HOXC5: variants seen among roughly 807,000 people sequenced by gnomAD.
The protein encoded by HOXC5 is homeobox C5, also known as homeobox protein Hox-C5.
HOXC5 carries 19 observed loss-of-function variants against 20.1 expected under a neutral mutation model. The observed-to-expected ratio is 0.94, with a 90% CI of 0.66 to 1.38. HOXC5 has a LOEUF of 1.38. Among genes scored for constraint, HOXC5 ranks in the 40% most tolerant of loss-of-function variants. The pLI, the probability that HOXC5 is intolerant of heterozygous loss-of-function variation, is 0.00. For synonymous variants in HOXC5, 124 were observed against 117.0 expected (o/e 1.06, Z -0.39); for missense variants, 330 against 300.1 (o/e 1.10, Z -0.74).
At position 54,034,724 on chromosome 12, in the gene HOXC5, AC is replaced by A. The variant is rs1232480020; in HGVS notation, c.*235del. On this transcript the variant is annotated 3_prime_UTR_variant, in exon 2 of 2. Transcript: ENST00000312492. ...TCCCCTCAGCTCGGCTCAGCTCGGT[AC>A]CCGGGGCCCAGGGCAAGCTCCGCAG... The A allele has an allele frequency of 2.1e-5, 11 of 529,308 alleles. No individual in the cohort carries two copies. The highest frequency in any genetic ancestry group is 3.4e-6 in the Non-Finnish European group (1 of 293,218). The allele number at this position is 529,308 out of a possible 1,614,324, so 32.8% of individuals were successfully genotyped here.
At position 54,034,605 on chromosome 12, in the gene HOXC5, G is replaced by C; in HGVS notation, c.*113G>C. On this transcript the variant is annotated 3_prime_UTR_variant, in exon 2 of 2. Coordinates refer to ENST00000312492, the MANE Select transcript of HOXC5 (RefSeq NM_018953.4). ...GTCGGGGGCAGGTGCTGGAGCACTG[G>C]GCTCCCGGGCCCCACAGACAAAAGC... 1 of 839,606 alleles carries C rather than the reference G, an allele frequency of 1.2e-6. No individual in the cohort carries two copies. Among genetic ancestry groups the C allele is most frequent in the South Asian group, 1.7e-5 (1 of 57,780 alleles). The allele number at this position is 839,606 out of a possible 1,614,324, so 52.0% of individuals were successfully genotyped here. A position where few individuals can be genotyped will look rare whatever the true frequency, so the allele number is the denominator to read the frequency against.
upstream of HOXC5, chr12:54,028,454 C>A (rs1592231312): frequency 1.3e-6 from 2 of 1,524,314 alleles, no homozygotes; most frequent in Non-Finnish European, 1.8e-6. Flanking sequence ...CCATCTAGTT[C>A]CGAGTACAAA....
At chr12:54,026,973 G>T in the HOXC5 span, among the ~76,000 whole-genome samples, 1 of 140,810 alleles carries the variant, frequency 7.1e-6, no homozygotes, top group South Asian at 2.2e-4. Flanking sequence ...GTGGGGGGGG[G>T]GGGATATGAG....
chr12:54,029,225 TGAG>T (rs1267556650), upstream of HOXC5, among the ~76,000 whole-genome samples: 2 of 151,530 alleles, frequency 1.3e-5, no homozygotes, highest in Non-Finnish European at 1.5e-5. Context: ...GGAGTCAGTC[TGAG>T]GAGAAGGGAG....
At chr12:54,029,525 G>A (rs1204213192), upstream of HOXC5, 1 of 930,250 alleles carries the variant, frequency 1.1e-6, no homozygotes, top group East Asian at 2.5e-5. Context: ...GCAAAAGGGA[G>A]AAGGCTAGAG....
chr12:54,017,612 G>A, the HOXC5 span, among the ~76,000 whole-genome samples: 1 of 152,068 alleles, frequency 6.6e-6, no homozygotes, highest in Non-Finnish European at 1.5e-5. Context: ...GTAGTGGGGC[G>A]ATTGTGTTGT....
Position 54,035,100 on chromosome 12 carries a change from C to G in HOXC5, c.*608C>G, listed in dbSNP as rs559909411. On this transcript the variant is annotated 3_prime_UTR_variant, in exon 2 of 2. Coordinates refer to ENST00000312492, the MANE Select transcript of HOXC5 (RefSeq NM_018953.4). ...CCTTATCTCCACAACCTCTTCCCCCCAAAACCCGGGAACCTCCCCAGCCTG... is the reference window on the plus strand; with the variant it reads ...CCTTATCTCCACAACCTCTTCCCCCGAAAACCCGGGAACCTCCCCAGCCTG... The G allele has an allele frequency of 6.5e-6, 1 of 154,166 alleles. No homozygotes were observed. Among genetic ancestry groups the G allele is most frequent in the African/African-American group, 2.4e-5 (1 of 41,456 alleles). The allele number at this position is 154,166 out of a possible 1,614,324, so 9.5% of individuals were successfully genotyped here.
chr12:54,026,250 C>T, the HOXC5 span, among the ~76,000 whole-genome samples: 1 of 152,102 alleles, frequency 6.6e-6, no homozygotes, highest in Non-Finnish European at 1.5e-5. Flanking sequence ...GACTTGTTCC[C>T]TAGCTCAGTC....
chr12:54,034,337 A>T lies in HOXC5; in HGVS notation c.514A>T (p.Lys172Ter), dbSNP rs376926310. The T allele has an allele frequency of 9.9e-5, 159 of 1,614,080 alleles. No individual in the cohort carries two copies. Among genetic ancestry groups the T allele is most frequent in the Non-Finnish European group, 1.2e-4 (142 of 1,180,038 alleles). ...YTRYQTLELE[K>*]EFHFNRYLTR... The stretch of plus-strand genomic sequence containing the variant: ...GCGCTACCAGACTCTGGAACTCGAG[A>T]AAGAATTCCACTTTAACCGCTACCT... The change falls in exon 2 of 2, where the codon AAA (lysine) becomes TAA (stop). Residue 172 changes from lysine to a stop codon, truncating the protein, a stop_gained. Transcript: ENST00000312492. LOFTEE classifies it high-confidence loss of function.
At chr12:54,029,523 G>C, upstream of HOXC5, 1 of 906,160 alleles carries the variant, frequency 1.1e-6, no homozygotes, top group Non-Finnish European at 1.7e-6. Context: ...AGGCAAAAGG[G>C]AGAAGGCTAG....
At chr12:54,029,012 A>G (rs1310162677), upstream of HOXC5, 31 of 1,266,474 alleles carry the variant, frequency 2.4e-5, no homozygotes, top group Non-Finnish European at 3.4e-5. Context: ...AGAGTTTTTT[A>G]TGGCCCCATA....
upstream of HOXC5, chr12:54,029,695 C>A (rs778998070): frequency 7.4e-6 from 12 of 1,613,980 alleles, no homozygotes; most frequent in Admixed American, 2.0e-4. Context: ...GCCGCCAGAT[C>A]TACTCGCGGT....
At chr12:54,022,319 G>A in the HOXC5 span, 1 of 152,114 alleles carries the variant, frequency 6.6e-6, no homozygotes, top group Non-Finnish European at 1.5e-5. Flanking sequence ...CCCCAAAATT[G>A]CAGTGAATTT....
At chr12:54,023,585 C>A in the HOXC5 span, among the ~76,000 whole-genome samples, 1 of 152,314 alleles carries the variant, frequency 6.6e-6, no homozygotes, top group Non-Finnish European at 1.5e-5. Flanking sequence ...TTCTCAGCAG[C>A]TTAACATGCC....
chr12:54,029,705 T>C (rs1286157483), upstream of HOXC5: 9 of 1,614,170 alleles, frequency 5.6e-6, no homozygotes, highest in Non-Finnish European at 7.6e-6. Flanking sequence ...CTACTCGCGG[T>C]ACCAGACCCT....
chr12:54,034,020 G>C (rs764838564), intron 1 of HOXC5: 1 of 679,334 alleles, frequency 1.5e-6, no homozygotes, highest in Admixed American at 2.0e-5. Context: ...TCCGAGCCTG[G>C]GTCTCCCTCT....
chr12:54,033,196 G>A lies in HOXC5; in HGVS notation c.74G>A (p.Gly25Glu). The A allele has an allele frequency of 6.2e-7, 1 of 1,614,148 alleles. No homozygotes were observed. The highest frequency in any genetic ancestry group is 8.5e-7 in the Non-Finnish European group (1 of 1,180,016). ...CCTGCCTATAACATGCAAACTTGTGGGAACTATGGATCGGCCTCAGAGGTG... is the reference window on the plus strand; with the variant it reads ...CCTGCCTATAACATGCAAACTTGTGAGAACTATGGATCGGCCTCAGAGGTG... Reference protein sequence around the residue: ...NIPAYNMQTCGNYGSASEVQA... With the variant: ...NIPAYNMQTCENYGSASEVQA... The change falls in exon 1 of 2, where the codon GGG (glycine) becomes GAG (glutamate). Residue 25 changes from glycine (G) to glutamate (E), a missense_variant. By Grantham distance (98) the Gly-to-Glu change is moderately conservative. Transcript: ENST00000312492.
chr12:54,020,201 A>T, the HOXC5 span: 2 of 152,264 alleles, frequency 1.3e-5, no homozygotes, highest in Non-Finnish European at 2.9e-5. Flanking sequence ...AATAATAGCC[A>T]GGGTGGCTGA....
the HOXC5 span, chr12:54,020,460 C>T: frequency 3.3e-5 from 5 of 152,198 alleles, no homozygotes; most frequent in African/African-American, 1.2e-4. Context: ...GTTGTGATCC[C>T]GACAGAATGC....
Sources: gnomAD v4.1 joint callset for allele counts (sites outside exome capture counted in the v4.1 genomes callset) on GRCh38, gnomAD v4.1.1 for gene constraint, MANE v1.5 for transcripts, NCBI Gene and HGNC (gene_info 2026-07-23, HGNC 2026-07-21) for gene names.